The following SPTBN2 variants were observed in gnomAD, a reference collection of about 807,000 sequenced individuals.
SPTBN2 encodes spectrin beta, non-erythrocytic 2, also known as spectrin beta chain, non-erythrocytic 2.
SPTBN2 carries 107 observed loss-of-function variants against 284.2 expected under a neutral mutation model. The observed-to-expected ratio is 0.38, with a 90% confidence interval of 0.32 to 0.44. SPTBN2 has a LOEUF of 0.44. Ranked by LOEUF, SPTBN2 falls within the 20% of genes least tolerant of loss-of-function variation. SPTBN2 has a pLI of 1.00. For missense variants in SPTBN2, 2,569 were observed against 3,287.1 expected (o/e 0.78, Z 5.34); for synonymous variants, 1,289 against 1,354.8 (o/e 0.95, Z 1.07).
At position 66,691,260 on chromosome 11, in the gene SPTBN2, C is replaced by A. The variant is rs180706628; in HGVS notation, c.5565+24G>T. Reference sequence around the variant, plus strand: ...CCCATGGCCTCCTCTAAGCCTCCCCCACCTCCTCATGCTTGGGTCAGACCT... The same window carrying A: ...CCCATGGCCTCCTCTAAGCCTCCCCAACCTCCTCATGCTTGGGTCAGACCT... On this transcript the variant is annotated intron_variant, in intron 27 of 37. Coordinates refer to ENST00000533211, the MANE Select transcript of SPTBN2 (RefSeq NM_006946.4). The surrounding 1 kb of genome is among the most constrained non-coding windows in gnomAD (Gnocchi z 8.0). The A allele has an allele frequency of 4.0e-6, 6 of 1,513,538 alleles. No homozygotes were observed. The highest frequency in any genetic ancestry group is 1.3e-5 in the South Asian group (1 of 75,064). The allele number at this position is 1,513,538 out of a possible 1,614,324, so 93.8% of individuals were successfully genotyped here.
Position 66,705,857 on chromosome 11 carries a change from T to C in SPTBN2, c.1654-20A>G, listed in dbSNP as rs1361545695. ...CCGGCCCTGCCAGGCACACATGAAG[T>C]GCACATGCCCGCCTGAGCACAGACG... On this transcript the variant is annotated intron_variant, in intron 13 of 37. Coordinates refer to ENST00000533211, the MANE Select transcript of SPTBN2 (RefSeq NM_006946.4). The C allele has an allele frequency of 2.5e-6, 4 of 1,611,354 alleles. No homozygotes were observed. The highest frequency in any genetic ancestry group is 2.7e-5 in the African/African-American group (2 of 74,898).
chr11:66,705,254 G>C lies in SPTBN2; in HGVS notation c.2022C>G (p.Thr674=), dbSNP rs377439463. 3.2e-6 allele frequency: 5 copies of C among 1,579,876 alleles called. No homozygotes were observed. The highest frequency in any genetic ancestry group is 3.4e-6 in the Non-Finnish European group (4 of 1,169,080). Residue 674 remains threonine (T), a synonymous_variant, in exon 15 of 38, where the codon ACC becomes ACG. Coordinates refer to ENST00000533211, the MANE Select transcript of SPTBN2 (RefSeq NM_006946.4). The part of the protein sequence containing the change: ...LASADTGRDL[T]GALRLLNKHT... ...GCTTGTTGAGCAGGCGGAGGGCACC[G>C]GTCAGGTCTCGGCCCGTGTCGGCTG...
intron 8 of SPTBN2, among the ~76,000 whole-genome samples, 193 bp downstream of exon 8, chr11:66,713,438 T>A (rs1941983186): frequency 6.6e-6 from 1 of 151,886 alleles, no homozygotes; most frequent in African/African-American, 2.4e-5. Context: ...CAACCACGTG[T>A]TTTTCAGTAT....
At position 66,710,319 on chromosome 11, in the gene SPTBN2, G is replaced by A. The variant is rs1203311155; in HGVS notation, c.1073+263C>T. On this transcript the variant is annotated intron_variant, in intron 10 of 37. Transcript: ENST00000533211. This position sits in a 1 kb window ranked among gnomAD's most constrained non-coding sequence, Gnocchi z 4.9. ...TCACCATGTTGGCCAGACTGGTCTC[G>A]GTGATGCGCCCGCCTTGGCCTCCCA... 6.6e-6 allele frequency among the ~76,000 whole-genome samples: 1 copy of A among 152,164 alleles called. No homozygotes were observed. Among genetic ancestry groups the A allele is most frequent in the Non-Finnish European group, 1.5e-5 (1 of 68,036 alleles).
rs773962214 is a variant in SPTBN2, at chr11:66,691,629, G to A, written c.5220C>T (p.Ser1740=). 1.7e-5 allele frequency: 27 copies of A among 1,613,832 alleles called. No individual in the cohort carries two copies. The highest frequency in any genetic ancestry group is 2.2e-5 in the Non-Finnish European group (26 of 1,180,056). Residue 1740 remains serine (S), a synonymous_variant, in exon 27 of 38, where the codon TCC becomes TCT. Coordinates refer to ENST00000533211, the MANE Select transcript of SPTBN2 (RefSeq NM_006946.4). This position sits in a 1 kb window ranked among gnomAD's most constrained non-coding sequence, Gnocchi z 8.0. ...CCTGACCGATGGTGCTTGTGTCCCG[G>A]GAGAACTCTCGGAATTTGTCTCGGA... ...TMLRDKFREF[S]RDTSTIGQER... is the part of the protein sequence containing the mutation.
At chr11:66,732,981 CAAA>C (rs57325257), upstream of SPTBN2, among the ~76,000 whole-genome samples, 140 of 118,792 alleles carry the variant, frequency 1.2e-3, no homozygotes, top group African/African-American at 4.1e-3. Flanking sequence ...ACCAACCAAC[CAAA>C]AAAAAAAAAA....
At position 66,698,732 on chromosome 11, in the gene SPTBN2, G is replaced by A. The variant is rs376558954; in HGVS notation, c.3921C>T (p.Asp1307=). ...ACTTAGTATGCAGGTTGCGGGCCTCGTCATAGGACACGTCCTGGGCTGTCA... is the reference window on the plus strand; with the variant it reads ...ACTTAGTATGCAGGTTGCGGGCCTCATCATAGGACACGTCCTGGGCTGTCA... ...KMLTAQDVSY[D]EARNLHTKWQ... is the part of the protein sequence containing the mutation. The change falls in exon 20 of 38, where the codon GAC becomes GAT. Residue 1307 remains aspartate, a synonymous_variant. Coordinates refer to ENST00000533211, the MANE Select transcript of SPTBN2 (RefSeq NM_006946.4). 42 of 1,614,174 alleles carry A rather than the reference G, an allele frequency of 2.6e-5. No homozygotes were observed. The highest frequency in any genetic ancestry group is 1.2e-4 in the African/African-American group (9 of 75,046).
intron 28 of SPTBN2, 35 bp downstream of exon 28, chr11:66,690,004 C>T (rs1047135187): frequency 2.5e-6 from 4 of 1,614,128 alleles, no homozygotes; most frequent in East Asian, 2.2e-5. Context: ...CCCAGCCACA[C>T]AACCCGTGGA....
chr11:66,716,785 T>C (rs1453529414), intron 3 of SPTBN2, among the ~76,000 whole-genome samples: 1 of 152,322 alleles, frequency 6.6e-6, no homozygotes, highest in Middle Eastern at 3.4e-3. Context: ...AGTGGTGTGA[T>C]CTGGCCCGAA....
chr11:66,724,970 C>G lies in SPTBN2; in HGVS notation c.-113-3530G>C, dbSNP rs544186744. On this transcript the variant is annotated intron_variant, in intron 1 of 37. Coordinates refer to ENST00000533211, the MANE Select transcript of SPTBN2 (RefSeq NM_006946.4). Reference sequence around the variant, plus strand: ...AGTTACAAAGGGGCCCAACTGGGAGCCAGACCCTCCAGGGAAGTCCAACTG... The same window carrying G: ...AGTTACAAAGGGGCCCAACTGGGAGGCAGACCCTCCAGGGAAGTCCAACTG... Among the ~76,000 whole-genome samples the G allele has an allele frequency of 1.3e-4, 20 of 152,274 alleles. No individual in the cohort carries two copies. In the South Asian group the frequency reaches 2.7e-3, roughly 20 times the overall value.
chr11:66,722,198 T>A (rs1311799482), intron 1 of SPTBN2, among the ~76,000 whole-genome samples: 2 of 152,188 alleles, frequency 1.3e-5, no homozygotes, highest in Non-Finnish European at 2.9e-5. Flanking sequence ...TCCCTGCCAT[T>A]GACATGCATC....
rs1480541098 is a variant in SPTBN2 at position 66,705,733 on chromosome 11, C to T, written c.1758G>A (p.Arg586=). The change falls in exon 14 of 38, where the codon AGG becomes AGA. Residue 586 remains arginine, a synonymous_variant. Coordinates refer to ENST00000533211, the MANE Select transcript of SPTBN2 (RefSeq NM_006946.4). ...VEADIAVQAE[R]VRAVSASALR... ...GGGCAGAGGCGCTGACGGCCCGCAC[C>T]CTCTCGGCCTGCACGGCGATGTCTG... 6.2e-7 allele frequency: 1 copy of T among 1,612,688 alleles called. No homozygotes were observed. The highest frequency in any genetic ancestry group is 1.1e-5 in the South Asian group (1 of 91,074).
In SPTBN2 at chr11:66,701,008, C is replaced by T. The variant is rs138735919; in HGVS notation, c.3091G>A (p.Ala1031Thr). The T allele has an allele frequency of 3.7e-5, 60 of 1,607,688 alleles. No homozygotes were observed. The highest frequency in any genetic ancestry group is 1.6e-4 in the Middle Eastern group (1 of 6,072). ...CGGGCGTTGATGGCCACTGCCTGAG[C>T]GGGATGGCCGGCAGCCAGGGCATTT... The part of the protein sequence containing the change: ...EANALAAGHP[A>T]QAVAINARLR... Residue 1031 changes from alanine (A) to threonine (T), a missense_variant, in exon 17 of 38, where the codon GCT becomes ACT. Ala to Thr is a moderately conservative substitution (Grantham distance 58, BLOSUM62 0). Coordinates refer to ENST00000533211, the MANE Select transcript of SPTBN2 (RefSeq NM_006946.4).
At chr11:66,697,820 AT>A (rs1374861618) in intron 20 of SPTBN2, among the ~76,000 whole-genome samples, 39 of 152,228 alleles carry the variant, frequency 2.6e-4, no homozygotes, top group African/African-American at 8.9e-4. Flanking sequence ...CTACCATGGG[AT>A]CCCTTTCGGA....
At position 66,687,273 on chromosome 11, in the gene SPTBN2, G is replaced by T; in HGVS notation, c.6723-106C>A. 6.4e-7 allele frequency: 1 copy of T among 1,565,994 alleles called. No individual in the cohort carries two copies. The highest frequency in any genetic ancestry group is 8.7e-7 in the Non-Finnish European group (1 of 1,155,294). On this transcript the variant is annotated intron_variant, in intron 35 of 37. Coordinates refer to ENST00000533211, the MANE Select transcript of SPTBN2 (RefSeq NM_006946.4). This position sits in a 1 kb window ranked among gnomAD's most constrained non-coding sequence, Gnocchi z 5.2. ...GTTCTGCTCCCATCTTTAGGCCACGGTCTTCACACCCTCTGGTCCTCCCCT... is the reference window on the plus strand; with the variant it reads ...GTTCTGCTCCCATCTTTAGGCCACGTTCTTCACACCCTCTGGTCCTCCCCT...
chr11:66,683,336 G>C lies in SPTBN2; in HGVS notation c.*2535C>G, dbSNP rs976828021. ...CCGCCTCGGCCTCCCAAAGTGCTGG[G>C]ATTACAGGCGTGAGCCACCGCGCCC... On this transcript the variant is annotated 3_prime_UTR_variant, in exon 38 of 38. Transcript: ENST00000533211. Among the ~76,000 whole-genome samples, 1 of 152,198 alleles carries C rather than the reference G, an allele frequency of 6.6e-6. No individual in the cohort carries two copies. The highest frequency in any genetic ancestry group is 1.5e-5 in the Non-Finnish European group (1 of 68,038).
At chr11:66,723,143 CT>C (rs1402616696) in intron 1 of SPTBN2, among the ~76,000 whole-genome samples, 1 of 151,736 alleles carries the variant, frequency 6.6e-6, no homozygotes, top group Non-Finnish European at 1.5e-5. Flanking sequence ...ACGGCTCTAA[CT>C]TACGCAAACA....
Position 66,692,757 on chromosome 11 carries a change from G to A in SPTBN2, c.4986-17C>T. Reference sequence around the variant, plus strand: ...ATCCGAGTGCTGCAAGAAGAGTGAGGGAGGCACTGTGGGACTTAGGGGTGT... The same window carrying A: ...ATCCGAGTGCTGCAAGAAGAGTGAGAGAGGCACTGTGGGACTTAGGGGTGT... On this transcript the variant is annotated splice_polypyrimidine_tract_variant and intron_variant, in intron 25 of 37. Coordinates refer to ENST00000533211, the MANE Select transcript of SPTBN2 (RefSeq NM_006946.4). The A allele has an allele frequency of 6.2e-7, 1 of 1,600,382 alleles. No homozygotes were observed. The highest frequency in any genetic ancestry group is 8.5e-7 in the Non-Finnish European group (1 of 1,179,936).
chr11:66,744,596 C>A (rs1942942364), exon 1 of SPTBN2: 1 of 223,880 alleles, frequency 4.5e-6, no homozygotes, highest in Non-Finnish European at 8.4e-6. Context: ...CTCCCACCTG[C>A]GGGCCCACTG....
Sources: gnomAD v4.1 joint callset for allele counts (sites outside exome capture counted in the v4.1 genomes callset) on GRCh38, gnomAD v4.1.1 for gene constraint, Gnocchi (gnomAD v3.1) non-coding constraint, MANE v1.5 for transcripts, NCBI Gene and HGNC (gene_info 2026-07-23, HGNC 2026-07-21) for gene names.